COL26A1: variants seen among roughly 807,000 people sequenced by gnomAD.
COL26A1 encodes collagen alpha-1(XXVI) chain.
COL26A1 carries 41 observed loss-of-function variants against 59.3 expected under a neutral mutation model. The ratio of observed to expected loss-of-function variants is 0.69; its 90% confidence interval spans 0.54 to 0.90. The LOEUF is 0.90. Ranked by LOEUF, COL26A1 falls within the 40% of genes least tolerant of loss-of-function variation. COL26A1 has a pLI of 0.00. For missense variants in COL26A1, 612 were observed against 602.3 expected, an observed-to-expected ratio of 1.02 and a Z score of -0.17; for synonymous variants, 266 against 256.0, an observed-to-expected ratio of 1.04 and a Z score of -0.37.
At chr7:101,390,622 G>T (rs1205794598) in intron 1 of COL26A1, among the ~76,000 whole-genome samples, 1 of 151,892 alleles carries the variant, frequency 6.6e-6, no homozygotes, top group African/African-American at 2.4e-5. Context: ...ATGGGATCTT[G>T]CTATATTGTC....
chr7:101,431,833 C>A (rs900569978), intron 2 of COL26A1, among the ~76,000 whole-genome samples: 1 of 151,850 alleles, frequency 6.6e-6, no homozygotes, highest in Non-Finnish European at 1.5e-5. Flanking sequence ...GTTTTGTTGC[C>A]CAGGCTGGGG....
intron 1 of COL26A1, among the ~76,000 whole-genome samples, chr7:101,393,264 A>G (rs1181831597): frequency 1.3e-5 from 2 of 152,146 alleles, no homozygotes; most frequent in Non-Finnish European, 2.9e-5. Context: ...TTTGTTAAGG[A>G]GTATTAACTC....
intron 2 of COL26A1, among the ~76,000 whole-genome samples, chr7:101,436,957 G>T (rs1371401967): frequency 6.6e-6 from 1 of 151,920 alleles, no homozygotes; most frequent in Non-Finnish European, 1.5e-5. Flanking sequence ...CAGGTGATCC[G>T]CCCGCCTTGA....
Position 101,488,349 on chromosome 7 carries a change from A to AATTTAT in COL26A1, c.385+40564_385+40565insTTATAT, listed in dbSNP as rs1491342922. ...TTTTAATCCGTTTTTAATTTTATTT[A>AATTTAT]ATATATATATATATATATATATATA... is the stretch of plus-strand genomic sequence containing the variant. On this transcript the variant is annotated intron_variant, in intron 3 of 12. Transcript: ENST00000313669. Among the ~76,000 whole-genome samples the AATTTAT allele has an allele frequency of 9.1e-3, 952 of 104,926 alleles. 23 individuals carry two copies. The highest frequency in any genetic ancestry group is 0.037 in the African/African-American group (885 of 24,036). 68.8% of individuals were successfully genotyped at this position (104,926 alleles called of 152,430 possible).
chr7:101,485,741 G>A (rs545469902), intron 3 of COL26A1, among the ~76,000 whole-genome samples: 1 of 152,258 alleles, frequency 6.6e-6, no homozygotes, highest in South Asian at 2.1e-4. Context: ...TGTATGTGCT[G>A]GGGCTACAGG....
At chr7:101,363,358 G>T (rs1013930586) in intron 1 of COL26A1, among the ~76,000 whole-genome samples, 168 bp downstream of exon 1, 133 of 134,180 alleles carry the variant, frequency 9.9e-4, no homozygotes, top group African/African-American at 3.3e-3. Context: ...CGGGCAGCTG[G>T]AACGAGAGCT....
intron 3 of COL26A1, among the ~76,000 whole-genome samples, chr7:101,481,929 T>G (rs1048353766): frequency 2.0e-5 from 3 of 152,158 alleles, no homozygotes; most frequent in Admixed American, 6.5e-5. Context: ...AGGTAAGGAT[T>G]TAAGTAAACA....
intron 3 of COL26A1, among the ~76,000 whole-genome samples, chr7:101,499,197 T>G (rs916929704): frequency 6.6e-6 from 1 of 152,110 alleles, no homozygotes; most frequent in Non-Finnish European, 1.5e-5. Flanking sequence ...AGCCTCGACC[T>G]TCTGCATCCT....
chr7:101,455,832 G>A (rs897193535), intron 3 of COL26A1, among the ~76,000 whole-genome samples: 31 of 151,742 alleles, frequency 2.0e-4, no homozygotes, highest in Admixed American at 4.6e-4. Flanking sequence ...GCAGGTGCAC[G>A]CCACCAGGCC....
intron 1 of COL26A1, among the ~76,000 whole-genome samples, chr7:101,397,758 G>A (rs146776865): frequency 0.025 from 3,727 of 152,112 alleles, 83 homozygotes; most frequent in Admixed American, 0.059. Flanking sequence ...GGCTGGTCTC[G>A]AACTCCTGGC....
intron 1 of COL26A1, among the ~76,000 whole-genome samples, chr7:101,393,086 C>T (rs1390490658): frequency 2.0e-5 from 3 of 151,400 alleles, no homozygotes; most frequent in African/African-American, 7.3e-5. Flanking sequence ...CACTGCAACC[C>T]CCACCTTCTG....
At chr7:101,487,882 G>A (rs1794301906) in intron 3 of COL26A1, among the ~76,000 whole-genome samples, 1 of 152,294 alleles carries the variant, frequency 6.6e-6, no homozygotes, top group East Asian at 1.9e-4. Context: ...GGCTATCACA[G>A]TATCGTTTTT....
chr7:101,489,507 C>G (rs973737623), intron 3 of COL26A1, among the ~76,000 whole-genome samples: 6 of 152,300 alleles, frequency 3.9e-5, no homozygotes, highest in Admixed American at 2.0e-4. Context: ...CATAGCTCAC[C>G]TCAGCTTTGA....
intron 12 of COL26A1, among the ~76,000 whole-genome samples, chr7:101,556,573 GA>G (rs1795979338): frequency 6.6e-6 from 1 of 152,174 alleles, no homozygotes; most frequent in Admixed American, 6.5e-5. Context: ...ATGAATAAAT[GA>G]ATGGGTGGAT....
At chr7:101,543,414 C>T (rs1584501298) in intron 5 of COL26A1, among the ~76,000 whole-genome samples, 4 of 152,274 alleles carry the variant, frequency 2.6e-5, no homozygotes, top group Admixed American at 2.6e-4. Flanking sequence ...AAGTGATCTT[C>T]CTGCCTCAGC....
At chr7:101,373,989 G>A (rs1321543071) in intron 1 of COL26A1, among the ~76,000 whole-genome samples, 3 of 152,128 alleles carry the variant, frequency 2.0e-5, no homozygotes, top group Non-Finnish European at 4.4e-5. Flanking sequence ...AGCTGGACCC[G>A]GACCAATTCA....
intron 3 of COL26A1, among the ~76,000 whole-genome samples, chr7:101,479,083 G>A (rs1466231320): frequency 6.6e-6 from 1 of 152,136 alleles, no homozygotes; most frequent in African/African-American, 2.4e-5. Context: ...TTGAATCCTT[G>A]TGCATGCGAG....
intron 2 of COL26A1, among the ~76,000 whole-genome samples, chr7:101,436,563 TC>T (rs1302030347): frequency 6.6e-6 from 1 of 151,930 alleles, no homozygotes; most frequent in Non-Finnish European, 1.5e-5. Flanking sequence ...GAGCAGGCGA[TC>T]CCTGGATGGT....
chr7:101,523,500 T>C lies in COL26A1; in HGVS notation c.386-9582T>C, dbSNP rs1387790553. Among the ~76,000 whole-genome samples, 6 of 152,280 alleles carry C rather than the reference T, an allele frequency of 3.9e-5. No individual in the cohort carries two copies. The East Asian group carries it at 1.2e-3, about 29-fold the overall frequency. On this transcript the variant is annotated intron_variant, in intron 3 of 12. Transcript: ENST00000313669. ...CCTATGTTTTCTTCCAAATGCTGTATTTTTTTACCCTTTATGTTTAGATCT... is the reference window on the plus strand; with the variant it reads ...CCTATGTTTTCTTCCAAATGCTGTACTTTTTTACCCTTTATGTTTAGATCT...
Sources: allele counts gnomAD v4.1 joint callset (sites outside exome capture counted in the v4.1 genomes callset), GRCh38; gene constraint gnomAD v4.1.1; transcripts MANE v1.5; gene names NCBI Gene and HGNC (gene_info 2026-07-23, HGNC 2026-07-21).